Variants in SPATS2 observed in about 807,000 individuals in gnomAD.
SPATS2 encodes the protein spermatogenesis associated serine rich 2, also known as spermatogenesis-associated serine-rich protein 2.
SPATS2 carries 38 observed loss-of-function variants against 63.7 expected under a neutral mutation model. The observed-to-expected ratio is 0.60, with a 90% CI of 0.46 to 0.78. The LOEUF (loss-of-function observed/expected upper bound fraction) is 0.78, where lower values mean the gene tolerates loss of function less well. Among genes scored for constraint, SPATS2 ranks in the 30% least tolerant of loss-of-function variants. The pLI is 0.00. For missense variants in SPATS2, 588 were observed against 666.2 expected, an observed-to-expected ratio of 0.88 and a Z score of 1.29; for synonymous variants, 207 against 232.9, an observed-to-expected ratio of 0.89 and a Z score of 1.01.
chr12:49,500,695 C>T lies in SPATS2; in HGVS notation c.839+490C>T, dbSNP rs187483451. 2.0e-5 allele frequency among the ~76,000 whole-genome samples: 3 copies of T among 152,046 alleles called. No homozygotes were observed. In the South Asian group the frequency reaches 6.2e-4, roughly 32 times the overall value. On this transcript the variant is annotated intron_variant, in intron 9 of 13. Transcript: ENST00000552918. ...GCTGAGGCAGGAGAATGGCGTGAACCCGGGAGGCGGAGCTTGCAGTGAGCC... is the reference window on the plus strand; with the variant it reads ...GCTGAGGCAGGAGAATGGCGTGAACTCGGGAGGCGGAGCTTGCAGTGAGCC...
intron 2 of SPATS2, among the ~76,000 whole-genome samples, chr12:49,381,046 TTTGTTGTTGTTG>T (rs138097273): frequency 1.3e-5 from 2 of 151,342 alleles, no homozygotes; most frequent in African/African-American, 2.4e-5. Flanking sequence ...CTTGTCAACA[TTTGTTGTTGTTG>T]TTGTTGTTGT....
At chr12:49,517,308 G>C (rs1946867151) in intron 10 of SPATS2, among the ~76,000 whole-genome samples, 1 of 152,192 alleles carries the variant, frequency 6.6e-6, no homozygotes, top group African/African-American at 2.4e-5. Flanking sequence ...AGTGTGACTT[G>C]GGTCTAGGCA....
intron 2 of SPATS2, among the ~76,000 whole-genome samples, chr12:49,378,401 G>A (rs1944148291): frequency 1.3e-5 from 2 of 151,886 alleles, no homozygotes; most frequent in South Asian, 2.1e-4. Context: ...GGGATCAAGC[G>A]ATTGTCCTGC....
At chr12:49,451,361 T>A (rs1004711992) in intron 2 of SPATS2, among the ~76,000 whole-genome samples, 1 of 152,204 alleles carries the variant, frequency 6.6e-6, no homozygotes, top group Non-Finnish European at 1.5e-5. Flanking sequence ...TATAGCCCAA[T>A]TTAACTAAAT....
At chr12:49,502,337 A>T (rs189372149) in intron 9 of SPATS2, among the ~76,000 whole-genome samples, 5 of 152,218 alleles carry the variant, frequency 3.3e-5, no homozygotes, top group African/African-American at 1.2e-4. Context: ...AAATCATCAG[A>T]ACCAAAACTT....
intron 2 of SPATS2, among the ~76,000 whole-genome samples, chr12:49,382,975 G>T (rs896537601): frequency 4.6e-5 from 7 of 151,870 alleles, no homozygotes; most frequent in African/African-American, 1.5e-4. Flanking sequence ...AAACTGCTGG[G>T]ATTACAGGCA....
chr12:49,389,198 C>G (rs567989236), intron 2 of SPATS2, among the ~76,000 whole-genome samples: 1 of 152,180 alleles, frequency 6.6e-6, no homozygotes, highest in South Asian at 2.1e-4. Flanking sequence ...AGCCTTCTCA[C>G]GCAAAGCTTC....
At chr12:49,484,724 C>A in intron 4 of SPATS2, 55 bp downstream of exon 4, 1 of 1,478,150 alleles carries the variant, frequency 6.8e-7, no homozygotes, top group South Asian at 1.2e-5. Context: ...AATTTAGGTA[C>A]TAATACGACT....
chr12:49,453,142 C>G (rs1945654376), intron 2 of SPATS2, among the ~76,000 whole-genome samples: 2 of 136,590 alleles, frequency 1.5e-5, no homozygotes, highest in Non-Finnish European at 3.0e-5. Context: ...CTGGGCTGCA[C>G]AGAGCGAGAC....
At chr12:49,466,541 G>C (rs1482846228) in intron 3 of SPATS2, among the ~76,000 whole-genome samples, 1 of 152,136 alleles carries the variant, frequency 6.6e-6, no homozygotes, top group Non-Finnish European at 1.5e-5. Context: ...GTTACAGCAC[G>C]TTTTGTTGAC....
At chr12:49,462,442 TCTGG>T in intron 3 of SPATS2, 2 of 702,242 alleles carry the variant, frequency 2.8e-6, no homozygotes, top group Non-Finnish European at 2.6e-6. Flanking sequence ...ACAGTGCTCT[TCTGG>T]CTCTGCCATT....
intron 8 of SPATS2, among the ~76,000 whole-genome samples, chr12:49,499,499 TG>T (rs1304082410): frequency 6.6e-6 from 1 of 152,082 alleles, no homozygotes; most frequent in Non-Finnish European, 1.5e-5. Flanking sequence ...TTTCCAGTCT[TG>T]GGTAGTTTCT....
At position 49,423,689 on chromosome 12, in the gene SPATS2, CT is replaced by C. The variant is rs746511462; in HGVS notation, c.-243-37080del. 7.7e-4 allele frequency among the ~76,000 whole-genome samples: 117 copies of C among 152,326 alleles called. 1 individual carries two copies. The highest frequency in any genetic ancestry group is 3.4e-3 in the Middle Eastern group (1 of 294). ...TTAAAGTTCTATCACTGAGAGTCCT[CT>C]GATGCTTTCAATCAATGGATTTAAA... is the stretch of plus-strand genomic sequence containing the variant. On this transcript the variant is annotated intron_variant, in intron 2 of 13. Transcript: ENST00000552918.
At chr12:49,448,069 G>T (rs1228186221) in intron 2 of SPATS2, among the ~76,000 whole-genome samples, 3 of 150,310 alleles carry the variant, frequency 2.0e-5, no homozygotes, top group African/African-American at 7.3e-5. Flanking sequence ...CTTCTTTTCT[G>T]CTATAGATGT....
intron 3 of SPATS2, among the ~76,000 whole-genome samples, chr12:49,464,225 TG>T (rs139922888): frequency 0.091 from 13,902 of 152,064 alleles, 753 homozygotes; most frequent in African/African-American, 0.14. Flanking sequence ...ACTTTCCGAC[TG>T]GGTGTGGTAG....
intron 2 of SPATS2, among the ~76,000 whole-genome samples, chr12:49,393,329 C>T (rs1325890214): frequency 6.6e-6 from 1 of 151,890 alleles, no homozygotes; most frequent in Non-Finnish European, 1.5e-5. Flanking sequence ...GCCTTTCATT[C>T]AGTGATTTTA....
intron 9 of SPATS2, among the ~76,000 whole-genome samples, chr12:49,508,244 G>T (rs1946685835): frequency 6.6e-6 from 1 of 151,274 alleles, no homozygotes; most frequent in South Asian, 2.1e-4. Context: ...GTCTCGTTCT[G>T]TCTCCCAGGC....
intron 9 of SPATS2, among the ~76,000 whole-genome samples, chr12:49,501,336 C>G (rs1946564213): frequency 6.6e-6 from 1 of 152,084 alleles, no homozygotes; most frequent in South Asian, 2.1e-4. Context: ...GGCAGAAGGG[C>G]AAGGGAGCAT....
intron 11 of SPATS2, among the ~76,000 whole-genome samples, chr12:49,519,409 C>G (rs1335730184): frequency 6.6e-6 from 1 of 152,148 alleles, no homozygotes; most frequent in East Asian, 1.9e-4. Flanking sequence ...TCTGTCAGCA[C>G]ACTCCATCCA....
Sources: allele counts gnomAD v4.1 joint callset (sites outside exome capture counted in the v4.1 genomes callset), GRCh38; gene constraint gnomAD v4.1.1; transcripts MANE v1.5; gene names NCBI Gene and HGNC (gene_info 2026-07-23, HGNC 2026-07-21).